Variants in RAB33B observed in about 807,000 individuals in gnomAD.
The protein encoded by RAB33B is RAB33B, member RAS oncogene family.
In RAB33B, 6 loss-of-function variants were observed where a neutral mutation model predicts 15.0. The observed-to-expected ratio is 0.40, with a 90% CI of 0.22 to 0.79. The LOEUF (loss-of-function observed/expected upper bound fraction) is 0.79, where lower values mean the gene tolerates loss of function less well. Among genes scored for constraint, RAB33B ranks in the 30% least tolerant of loss-of-function variants. RAB33B has a pLI of 0.37. For synonymous variants in RAB33B, 117 were observed against 108.3 expected, an observed-to-expected ratio of 1.08 and a Z score of -0.50; for missense variants, 257 against 296.4, an observed-to-expected ratio of 0.87 and a Z score of 0.98.
At chr4:139,441,922 T>C in the RAB33B span, among the ~76,000 whole-genome samples, 1 of 151,990 alleles carries the variant, frequency 6.6e-6, no homozygotes, top group African/African-American at 2.4e-5. Context: ...CATTCTATAT[T>C]GATTAATATT....
intron 1 of RAB33B, among the ~76,000 whole-genome samples, chr4:139,470,233 G>T (rs763832514): frequency 6.6e-6 from 1 of 152,190 alleles, no homozygotes; most frequent in Non-Finnish European, 1.5e-5. Flanking sequence ...GTGTTCTGTT[G>T]TACTGTGGCT....
Position 139,454,405 on chromosome 4 carries a change from C to T in RAB33B, c.210C>T (p.Phe70=), listed in dbSNP as rs752394542. ...DRTEATIGVD[F]RERAVEIDGE... is the part of the protein sequence containing the mutation. ...CCGAGGCCACGATAGGGGTGGATTT[C>T]CGAGAACGAGCGGTGGAGATTGATG... Residue 70 remains phenylalanine (F), a synonymous_variant, in exon 1 of 2, where the codon TTC becomes TTT. Coordinates refer to ENST00000305626, the MANE Select transcript of RAB33B (RefSeq NM_031296.3). 6.2e-7 allele frequency: 1 copy of T among 1,612,710 alleles called. No homozygotes were observed. The highest frequency in any genetic ancestry group is 1.7e-5 in the Admixed American group (1 of 60,004).
the RAB33B span, among the ~76,000 whole-genome samples, chr4:139,445,213 C>A: frequency 2.4e-4 from 37 of 152,352 alleles, no homozygotes; most frequent in South Asian, 8.3e-4. Flanking sequence ...GTCCATAAGG[C>A]CCACCAGAAG....
upstream of RAB33B, among the ~76,000 whole-genome samples, chr4:139,448,247 G>A (rs559365413): frequency 5.9e-5 from 9 of 152,296 alleles, no homozygotes; most frequent in Non-Finnish European, 1.0e-4. Flanking sequence ...AAAAAACCAC[G>A]ACCTGCTGAG....
At chr4:139,442,063 C>T in the RAB33B span, among the ~76,000 whole-genome samples, 1 of 152,132 alleles carries the variant, frequency 6.6e-6, no homozygotes, top group Non-Finnish European at 1.5e-5. Context: ...TTCTCCTTGA[C>T]CCAGATTTAA....
At chr4:139,451,246 GCT>G (rs1749915784), upstream of RAB33B, 1 of 152,082 alleles carries the variant, frequency 6.6e-6, no homozygotes, top group African/African-American at 2.4e-5. Flanking sequence ...TGCTACCCAG[GCT>G]GGAGTGCAGC....
chr4:139,454,193 G>T lies in RAB33B; in HGVS notation c.-3G>T. ...CCGCCTCAGTTTGGGGCGGGTCGGG[G>T]GAATGGCTGAGGAGATGGAGTCGTC... is the stretch of plus-strand genomic sequence containing the variant. On this transcript the variant is annotated 5_prime_UTR_variant, in exon 1 of 2. Coordinates refer to ENST00000305626, the MANE Select transcript of RAB33B (RefSeq NM_031296.3). 1 of 1,608,924 alleles carries T rather than the reference G, an allele frequency of 6.2e-7. No homozygotes were observed. Among genetic ancestry groups the T allele is most frequent in the Non-Finnish European group, 8.5e-7 (1 of 1,176,758 alleles).
the RAB33B span, among the ~76,000 whole-genome samples, chr4:139,442,380 G>A: frequency 1.3e-5 from 2 of 152,146 alleles, no homozygotes; most frequent in African/African-American, 4.8e-5. Flanking sequence ...TTAAAGGTGA[G>A]GAGAAAGAGA....
the RAB33B span, among the ~76,000 whole-genome samples, chr4:139,442,406 G>GT: frequency 1.6e-4 from 24 of 152,188 alleles, no homozygotes; most frequent in African/African-American, 4.3e-4. Flanking sequence ...ATGGTTAATA[G>GT]TGAGTGTCAA....
In RAB33B at chr4:139,473,553, T is replaced by A. The variant is rs1269796686; in HGVS notation, c.*427T>A. The A allele has an allele frequency of 1.2e-5, 2 of 160,198 alleles. No homozygotes were observed. Among genetic ancestry groups the A allele is most frequent in the East Asian group, 3.6e-4 (2 of 5,498 alleles). The allele number at this position is 160,198 out of a possible 1,614,324, so 9.9% of individuals were successfully genotyped here. A position where few individuals can be genotyped will look rare whatever the true frequency, so the allele number is the denominator to read the frequency against. ...TTTGCCTCTCCCCAGAGTACTTTTTTTGTTTTTTCATAGAGACGGGGTCTT... is the reference window on the plus strand; with the variant it reads ...TTTGCCTCTCCCCAGAGTACTTTTTATGTTTTTTCATAGAGACGGGGTCTT... On this transcript the variant is annotated 3_prime_UTR_variant, in exon 2 of 2. Coordinates refer to ENST00000305626, the MANE Select transcript of RAB33B (RefSeq NM_031296.3).
chr4:139,462,518 C>G (rs1314373556), intron 1 of RAB33B, among the ~76,000 whole-genome samples: 1 of 152,160 alleles, frequency 6.6e-6, no homozygotes, highest in Non-Finnish European at 1.5e-5. Flanking sequence ...TCAAAGAACA[C>G]ATTTTTATTA....
chr4:139,459,754 G>A (rs956732156), intron 1 of RAB33B, among the ~76,000 whole-genome samples: 4 of 151,634 alleles, frequency 2.6e-5, no homozygotes, highest in African/African-American at 7.3e-5. Context: ...CTGCCTCAGC[G>A]TCCCAAGTAG....
chr4:139,446,814 G>A, the RAB33B span, among the ~76,000 whole-genome samples: 4 of 152,204 alleles, frequency 2.6e-5, no homozygotes, highest in Admixed American at 1.3e-4. Flanking sequence ...CACCAAGGCT[G>A]ACCTGGCTAC....
Position 139,472,729 on chromosome 4 carries a change from G to A in RAB33B, c.293G>A (p.Ser98Asn). Residue 98 changes from serine to asparagine, a missense_variant, in exon 2 of 2, where the codon AGC (serine) becomes AAC (asparagine). Physicochemically the swap from Ser to Asn is conservative, Grantham distance 46 (BLOSUM62 1). Transcript: ENST00000305626. ...DTAGQERFRK[S>N]MVQHYYRNVH... ...GCAGGACAAGAACGATTCAGAAAGAGCATGGTTCAGCACTACTACAGAAAT... is the reference window on the plus strand; with the variant it reads ...GCAGGACAAGAACGATTCAGAAAGAACATGGTTCAGCACTACTACAGAAAT... 6.2e-7 allele frequency: 1 copy of A among 1,610,644 alleles called. No homozygotes were observed. The highest frequency in any genetic ancestry group is 8.5e-7 in the Non-Finnish European group (1 of 1,176,950).
intron 1 of RAB33B, among the ~76,000 whole-genome samples, chr4:139,458,880 A>G (rs188851484): frequency 6.6e-5 from 10 of 152,314 alleles, no homozygotes; most frequent in Admixed American, 3.9e-4. Context: ...CCAGCAGTGT[A>G]TAAGTGTTGT....
At chr4:139,461,903 CA>C (rs1328468056) in intron 1 of RAB33B, among the ~76,000 whole-genome samples, 80 of 138,618 alleles carry the variant, frequency 5.8e-4, no homozygotes, top group Non-Finnish European at 5.0e-4. Context: ...GCCTCCATCT[CA>C]AAAAAAAAAA....
chr4:139,462,964 G>A (rs988285959), intron 1 of RAB33B, among the ~76,000 whole-genome samples: 7 of 152,058 alleles, frequency 4.6e-5, no homozygotes, highest in African/African-American at 1.4e-4. Context: ...CGAGGAATTC[G>A]AGACCAGCCT....
chr4:139,469,234 C>A (rs1482523206), intron 1 of RAB33B, among the ~76,000 whole-genome samples: 1 of 152,152 alleles, frequency 6.6e-6, no homozygotes, highest in Admixed American at 6.6e-5. Flanking sequence ...ATCCTGTAGG[C>A]GTGCTCCCTT....
chr4:139,453,215 G>A (rs542085658), upstream of RAB33B: 5 of 152,334 alleles, frequency 3.3e-5, no homozygotes, highest in East Asian at 9.6e-4. Context: ...AACGCTCCCA[G>A]GTGGCCGACA....
Sources: gnomAD v4.1 joint callset for allele counts (sites outside exome capture counted in the v4.1 genomes callset) on GRCh38, gnomAD v4.1.1 for gene constraint, MANE v1.5 for transcripts, NCBI Gene and HGNC (gene_info 2026-07-23, HGNC 2026-07-21) for gene names.